PDE4D: variants seen among roughly 807,000 people sequenced by gnomAD.
The protein encoded by PDE4D is phosphodiesterase 4D.
In PDE4D, 24 loss-of-function variants were observed where a neutral mutation model predicts 87.4. The ratio of observed to expected loss-of-function variants is 0.27; its 90% CI spans 0.20 to 0.39. The LOEUF (loss-of-function observed/expected upper bound fraction) is 0.39. Among genes scored for constraint, PDE4D ranks in the 10% least tolerant of loss-of-function variants. The pLI, the probability that PDE4D is intolerant of heterozygous loss-of-function variation, is 1.00. For synonymous variants in PDE4D, 384 were observed against 383.2 expected, an observed-to-expected ratio of 1.00 and a Z score of -0.02; for missense variants, 714 against 1,041.0, an observed-to-expected ratio of 0.69 and a Z score of 4.32.
chr5:59,348,616 T>G (rs1046134958), intron 1 of PDE4D, among the ~76,000 whole-genome samples: 2 of 132,722 alleles, frequency 1.5e-5, no homozygotes, highest in African/African-American at 5.8e-5. Context: ...AAAGCTTCAC[T>G]TCAAAGCTTT....
At chr5:59,622,228 G>A (rs535860673) in intron 1 of PDE4D, among the ~76,000 whole-genome samples, 12 of 151,878 alleles carry the variant, frequency 7.9e-5, no homozygotes, top group Non-Finnish European at 1.5e-4. Context: ...CTATATATAC[G>A]AATGTATGCA....
intron 1 of PDE4D, among the ~76,000 whole-genome samples, chr5:59,262,541 A>G (rs1258836210): frequency 6.6e-6 from 1 of 151,874 alleles, no homozygotes; most frequent in Non-Finnish European, 1.5e-5. Flanking sequence ...TCACAATACA[A>G]GAAGGTAAGC....
chr5:60,445,279 A>C (rs1199704195), intron 1 of PDE4D, among the ~76,000 whole-genome samples: 1 of 152,218 alleles, frequency 6.6e-6, no homozygotes, highest in Non-Finnish European at 1.5e-5. Context: ...AATTAAAACA[A>C]TGTTATGCTG....
chr5:59,570,334 AATATT>A, intron 1 of PDE4D, among the ~76,000 whole-genome samples: 1 of 152,344 alleles, frequency 6.6e-6, no homozygotes, highest in East Asian at 1.9e-4. Context: ...TCCCATGAGA[AATATT>A]ATTGCTTCTC....
intron 1 of PDE4D, among the ~76,000 whole-genome samples, chr5:59,599,481 T>C (rs1827190042): frequency 6.6e-6 from 1 of 152,060 alleles, no homozygotes; most frequent in African/African-American, 2.4e-5. Flanking sequence ...CCTCAGGTGA[T>C]CCGCCCACCT....
chr5:59,309,657 G>A (rs1772168695), intron 1 of PDE4D, among the ~76,000 whole-genome samples: 1 of 152,164 alleles, frequency 6.6e-6, no homozygotes, highest in Non-Finnish European at 1.5e-5. Flanking sequence ...CAGAGGGTGT[G>A]TGGGTCCTCT....
chr5:60,124,468 T>A lies in PDE4D; in HGVS notation c.42+61089A>T, dbSNP rs79952146. On this transcript the variant is annotated intron_variant, in intron 2 of 16. Transcript: ENST00000502484. The stretch of plus-strand genomic sequence containing the variant: ...TGATAGCCTATTTCTTTGAAAAAAA[T>A]AATAGCAAATCAGAAAACAATTTTT... Among the ~76,000 whole-genome samples, 20 of 42,270 alleles carry A rather than the reference T, an allele frequency of 4.7e-4. 1 individual carries two copies. The highest frequency in any genetic ancestry group is 4.1e-3 in the Admixed American group (13 of 3,160). The allele number at this position is 42,270 out of a possible 152,430, so 27.7% of individuals were successfully genotyped here.
intron 1 of PDE4D, among the ~76,000 whole-genome samples, chr5:59,617,319 TATGCTACA>T (rs1212427285): frequency 2.6e-5 from 4 of 152,060 alleles, no homozygotes; most frequent in Non-Finnish European, 5.9e-5. Flanking sequence ...CAGTAAATAT[TATGCTACA>T]ATGTGGACTC....
At chr5:59,641,768 T>G (rs1052367639) in intron 1 of PDE4D, among the ~76,000 whole-genome samples, 1 of 152,184 alleles carries the variant, frequency 6.6e-6, no homozygotes, top group African/African-American at 2.4e-5. Context: ...TTTACATTAA[T>G]TTTTGTCAAA....
intron 1 of PDE4D, among the ~76,000 whole-genome samples, chr5:59,377,431 AAAT>A (rs781195741): frequency 1.3e-5 from 2 of 150,288 alleles, no homozygotes; most frequent in African/African-American, 4.9e-5. Flanking sequence ...AAAAAAAAAA[AAAT>A]ATGTCATGAC....
At chr5:59,988,820 G>A in intron 2 of PDE4D, 4 of 587,000 alleles carry the variant, frequency 6.8e-6, no homozygotes, top group Non-Finnish European at 1.2e-5. Context: ...TAAGTAAAAT[G>A]TATACATGAA....
At chr5:59,320,664 T>A (rs1024958437) in intron 1 of PDE4D, among the ~76,000 whole-genome samples, 1 of 152,128 alleles carries the variant, frequency 6.6e-6, no homozygotes, top group Non-Finnish European at 1.5e-5. Flanking sequence ...AGCACATTAA[T>A]ATATGACAAG....
At chr5:60,326,791 T>C (rs749896757) in intron 1 of PDE4D, among the ~76,000 whole-genome samples, 16 of 152,140 alleles carry the variant, frequency 1.1e-4, no homozygotes, top group Non-Finnish European at 2.2e-4. Flanking sequence ...ATACCTTACT[T>C]CTGCTTCTAT....
At chr5:59,645,919 T>C (rs1227390419) in intron 1 of PDE4D, among the ~76,000 whole-genome samples, 1 of 152,184 alleles carries the variant, frequency 6.6e-6, no homozygotes, top group African/African-American at 2.4e-5. Context: ...CAATCAATTA[T>C]ACTAGAGAAA....
intron 1 of PDE4D, among the ~76,000 whole-genome samples, chr5:59,855,373 A>G (rs751807762): frequency 2.0e-5 from 3 of 152,282 alleles, no homozygotes; most frequent in Non-Finnish European, 4.4e-5. Context: ...CGTAATAACA[A>G]ATATTTAAGA....
intron 2 of PDE4D, among the ~76,000 whole-genome samples, chr5:60,154,570 G>A (rs562771282): frequency 2.0e-5 from 3 of 152,084 alleles, no homozygotes; most frequent in African/African-American, 4.8e-5. Flanking sequence ...CACTGCACCC[G>A]GCCCTATTAA....
chr5:59,243,612 G>A (rs1453144557), intron 1 of PDE4D, among the ~76,000 whole-genome samples: 1 of 151,112 alleles, frequency 6.6e-6, no homozygotes, highest in Non-Finnish European at 1.5e-5. Context: ...GGTGCCCACC[G>A]CCATGCCCAG....
intron 1 of PDE4D, among the ~76,000 whole-genome samples, chr5:59,525,098 C>A (rs1812858638): frequency 6.6e-6 from 1 of 152,218 alleles, no homozygotes. Flanking sequence ...GAGAAGAGGG[C>A]AACCATCCTC....
At chr5:59,240,720 C>A (rs542222470) in intron 1 of PDE4D, among the ~76,000 whole-genome samples, 3 of 152,024 alleles carry the variant, frequency 2.0e-5, no homozygotes, top group Non-Finnish European at 4.4e-5. Context: ...CCAGAGACCC[C>A]TTTGAGAACG....
Sources: gnomAD v4.1 joint callset for allele counts (sites outside exome capture counted in the v4.1 genomes callset) on GRCh38, gnomAD v4.1.1 for gene constraint, MANE v1.5 for transcripts, NCBI Gene and HGNC (gene_info 2026-07-23, HGNC 2026-07-21) for gene names.